SLC35E3: variants seen among roughly 807,000 people sequenced by gnomAD.
SLC35E3 encodes bladder cancer-overexpressed gene 1 protein.
SLC35E3 carries 28 observed loss-of-function variants against 30.8 expected under a neutral mutation model. That is an observed-to-expected ratio of 0.91 (90% confidence interval 0.67 to 1.25). The LOEUF is 1.25. SLC35E3 is among the 50% of genes most tolerant of loss of function. The pLI is 0.00. For synonymous variants in SLC35E3, 146 were observed against 149.2 expected (o/e 0.98, Z 0.16); for missense variants, 365 against 375.4 (o/e 0.97, Z 0.23).
rs1879390874 is a variant in SLC35E3 at position 68,765,786 on chromosome 12, C to T, written c.*896C>T. ...ATATATGGGATGGTTTGGTTGGTCC[C>T]AGCAAAGTATATGAAAATTAAAGTT... On this transcript the variant is annotated 3_prime_UTR_variant, in exon 5 of 5. Transcript: ENST00000398004. The T allele has an allele frequency of 1.3e-5, 2 of 149,884 alleles. No homozygotes were observed. Among genetic ancestry groups the T allele is most frequent in the Non-Finnish European group, 3.0e-5 (2 of 67,738 alleles). 9.3% of individuals were successfully genotyped at this position (149,884 alleles called of 1,614,324 possible).
At chr12:68,756,440 C>CT (rs61603177) in intron 3 of SLC35E3, among the ~76,000 whole-genome samples, 6 of 143,832 alleles carry the variant, frequency 4.2e-5, no homozygotes, top group Admixed American at 6.9e-5. Flanking sequence ...GTCAACTCAA[C>CT]TTTTTTTTTT....
rs534764696 is a variant in SLC35E3 at position 68,779,598 on chromosome 12, C to T, written c.*14708C>T. ...AAGGGGGAATTGAGGAAGCCATTTG[C>T]AAAACTTCACAGGAAAGTTAAATGA... is the stretch of plus-strand genomic sequence containing the variant. On this transcript the variant is annotated 3_prime_UTR_variant, in exon 5 of 5. Coordinates refer to ENST00000398004, the MANE Select transcript of SLC35E3 (RefSeq NM_018656.5). The T allele has an allele frequency of 2.0e-5, 3 of 152,078 alleles. No homozygotes were observed. The South Asian group carries it at 6.3e-4, about 32-fold the overall frequency. The allele number at this position is 152,078 out of a possible 1,614,324, so 9.4% of individuals were successfully genotyped here.
chr12:68,757,294 GTAACAAAGACCC>G (rs1879057342), intron 3 of SLC35E3, among the ~76,000 whole-genome samples: 2 of 152,260 alleles, frequency 1.3e-5, no homozygotes, highest in African/African-American at 2.4e-5. Flanking sequence ...TTCAAAGTCC[GTAACAAAGACCC>G]TAACAAAGTA....
rs1463520319 is a variant in SLC35E3 at position 68,771,455 on chromosome 12, A to G, written c.*6565A>G. On this transcript the variant is annotated 3_prime_UTR_variant, in exon 5 of 5. Transcript: ENST00000398004. Reference sequence around the variant, plus strand: ...TAAAGCAAGAACAGACTATAACTGAAGTTGAGGAACTCTGGTATACAATGA... The same window carrying G: ...TAAAGCAAGAACAGACTATAACTGAGGTTGAGGAACTCTGGTATACAATGA... The G allele has an allele frequency of 6.6e-6, 1 of 152,146 alleles. No homozygotes were observed. Among genetic ancestry groups the G allele is most frequent in the African/African-American group, 2.4e-5 (1 of 41,452 alleles). 9.4% of individuals were successfully genotyped at this position (152,146 alleles called of 1,614,324 possible).
chr12:68,779,341 A>G lies in SLC35E3; in HGVS notation c.*14451A>G, dbSNP rs1229125031. ...GTTTTCTGTACATTTATTTAAATTT[A>G]AAAAGTATTTAAGCCATCTTTAAGA... On this transcript the variant is annotated 3_prime_UTR_variant, in exon 5 of 5. Coordinates refer to ENST00000398004, the MANE Select transcript of SLC35E3 (RefSeq NM_018656.5). The G allele has an allele frequency of 1.3e-5, 2 of 152,208 alleles. No homozygotes were observed. The highest frequency in any genetic ancestry group is 2.9e-5 in the Non-Finnish European group (2 of 68,030). 9.4% of individuals were successfully genotyped at this position (152,208 alleles called of 1,614,324 possible). A position where few individuals can be genotyped will look rare whatever the true frequency, so the allele number is the denominator to read the frequency against.
rs780921749 is a variant in SLC35E3 at position 68,764,819 on chromosome 12, AT to A, written c.873del (p.Leu292SerfsTer41). On this transcript the variant is annotated frameshift_variant, in exon 5 of 5. Transcript: ENST00000398004. LOFTEE classifies it high-confidence loss of function. Reference sequence around the variant, plus strand: ...TGGCATTTTATGTACATTATTTGGCATTCTCGCCTATACCCACTTTAAGCTC... The same window carrying A: ...TGGCATTTTATGTACATTATTTGGCATCTCGCCTATACCCACTTTAAGCTC... ...ALGILCTLFG[I>X]LAYTHFKLSE... 1 of 1,614,178 alleles carries A rather than the reference AT, an allele frequency of 6.2e-7. No homozygotes were observed. The highest frequency in any genetic ancestry group is 1.1e-5 in the South Asian group (1 of 91,092).
At chr12:68,761,230 A>G (rs1318543727) in intron 4 of SLC35E3, among the ~76,000 whole-genome samples, 1 of 152,138 alleles carries the variant, frequency 6.6e-6, no homozygotes, top group African/African-American at 2.4e-5. Flanking sequence ...CAGAGAAGTA[A>G]CATGATTTTA....
chr12:68,755,262 G>T (rs1446306670), intron 3 of SLC35E3, among the ~76,000 whole-genome samples: 1 of 152,104 alleles, frequency 6.6e-6, no homozygotes, highest in Non-Finnish European at 1.5e-5. Context: ...ATTTTGGGGG[G>T]ACACAAACAT....
chr12:68,752,371 G>T (rs1418478663), intron 3 of SLC35E3, among the ~76,000 whole-genome samples, 181 bp downstream of exon 3: 23 of 152,282 alleles, frequency 1.5e-4, no homozygotes, highest in Non-Finnish European at 4.4e-5. Flanking sequence ...GTACACAAAG[G>T]TGAAGGGACT....
chr12:68,746,819 C>G (rs376932506), intron 1 of SLC35E3, 40 bp downstream of exon 1: 83 of 1,530,130 alleles, frequency 5.4e-5, no homozygotes, highest in Non-Finnish European at 6.6e-5. Flanking sequence ...CTCTCCCGAC[C>G]CACCTCCTGC....
intron 3 of SLC35E3, 56 bp from the exon 4 acceptor site, chr12:68,759,101 C>A: frequency 8.6e-7 from 1 of 1,164,578 alleles, no homozygotes; most frequent in Non-Finnish European, 1.3e-6. Context: ...TGTATCTTTG[C>A]TTGATGATTA....
At position 68,772,766 on chromosome 12, in the gene SLC35E3, G is replaced by A. The variant is rs899219029; in HGVS notation, c.*7876G>A. 5 of 151,864 alleles carry A rather than the reference G, an allele frequency of 3.3e-5. No homozygotes were observed. Among genetic ancestry groups the A allele is most frequent in the South Asian group, 2.1e-4 (1 of 4,818 alleles). The allele number at this position is 151,864 out of a possible 1,614,324, so 9.4% of individuals were successfully genotyped here. On this transcript the variant is annotated 3_prime_UTR_variant, in exon 5 of 5. Transcript: ENST00000398004. ...TAGACTTTTCCTTTTGAAATCCAACGATCTGTATCAACCACGTCTTCATTT... is the reference window on the plus strand; with the variant it reads ...TAGACTTTTCCTTTTGAAATCCAACAATCTGTATCAACCACGTCTTCATTT...
chr12:68,765,766 T>C lies in SLC35E3; in HGVS notation c.*876T>C, dbSNP rs1742570482. The C allele has an allele frequency of 6.6e-6, 1 of 151,402 alleles. No individual in the cohort carries two copies. The highest frequency in any genetic ancestry group is 1.5e-5 in the Non-Finnish European group (1 of 67,920). 9.4% of individuals were successfully genotyped at this position (151,402 alleles called of 1,614,324 possible). ...ATATATATGGATATGGTTATATATA[T>C]GGGATGGTTTGGTTGGTCCCAGCAA... On this transcript the variant is annotated 3_prime_UTR_variant, in exon 5 of 5. Transcript: ENST00000398004.
rs1879577598 is a variant in SLC35E3 at position 68,770,617 on chromosome 12, T to G, written c.*5727T>G. ...GGGAGGCTGAGGTGGGTGGATTGCT[T>G]GAGTCCAGGAGTTCGAGACCAGCCT... is the stretch of plus-strand genomic sequence containing the variant. On this transcript the variant is annotated 3_prime_UTR_variant, in exon 5 of 5. Coordinates refer to ENST00000398004, the MANE Select transcript of SLC35E3 (RefSeq NM_018656.5). The G allele has an allele frequency of 6.6e-6, 1 of 152,442 alleles. No individual in the cohort carries two copies. The highest frequency in any genetic ancestry group is 2.4e-5 in the African/African-American group (1 of 41,340). The allele number at this position is 152,442 out of a possible 1,614,324, so 9.4% of individuals were successfully genotyped here.
rs1879625778 is a variant in SLC35E3, at chr12:68,772,407, ACTTATAT to A, written c.*7518_*7524del. 1 of 152,074 alleles carries A rather than the reference ACTTATAT, an allele frequency of 6.6e-6. No individual in the cohort carries two copies. The highest frequency in any genetic ancestry group is 1.5e-5 in the Non-Finnish European group (1 of 68,002). The allele number at this position is 152,074 out of a possible 1,614,324, so 9.4% of individuals were successfully genotyped here. A position where few individuals can be genotyped will look rare whatever the true frequency, so the allele number is the denominator to read the frequency against. On this transcript the variant is annotated 3_prime_UTR_variant, in exon 5 of 5. Transcript: ENST00000398004. ...TTTACTCATAGATACCATTTTTATAACTTATATGAGACGCATTTAATGTAATCATATT... is the reference window on the plus strand; with the variant it reads ...TTTACTCATAGATACCATTTTTATAAGAGACGCATTTAATGTAATCATATT...
At position 68,769,664 on chromosome 12, in the gene SLC35E3, AT is replaced by A. The variant is rs1472250120; in HGVS notation, c.*4775del. The A allele has an allele frequency of 1.3e-5, 2 of 152,194 alleles. No individual in the cohort carries two copies. Among genetic ancestry groups the A allele is most frequent in the Admixed American group, 1.3e-4 (2 of 15,268 alleles). The allele number at this position is 152,194 out of a possible 1,614,324, so 9.4% of individuals were successfully genotyped here. A position where few individuals can be genotyped will look rare whatever the true frequency, so the allele number is the denominator to read the frequency against. ...ACAAGAGCAAAACTGTCTCAAATAA[AT>A]AAATAATAAAAGAAAGGAGACCGGA... On this transcript the variant is annotated 3_prime_UTR_variant, in exon 5 of 5. Coordinates refer to ENST00000398004, the MANE Select transcript of SLC35E3 (RefSeq NM_018656.5).
intron 1 of SLC35E3, among the ~76,000 whole-genome samples, chr12:68,747,515 G>T (rs1041747670): frequency 2.6e-5 from 4 of 152,112 alleles, no homozygotes; most frequent in Admixed American, 2.6e-4. Flanking sequence ...TGATCTGCCC[G>T]CCTTGGCCTC....
Position 68,752,102 on chromosome 12 carries a change from C to CG in SLC35E3, c.584_585insG (p.Ser196IlefsTer12), listed in dbSNP as rs779372721. 8.1e-6 allele frequency: 13 copies of CG among 1,613,850 alleles called. No homozygotes were observed. The Admixed American group carries it at 8.3e-5, about 10-fold the overall frequency. On this transcript the variant is annotated frameshift_variant, in exon 3 of 5. Coordinates refer to ENST00000398004, the MANE Select transcript of SLC35E3 (RefSeq NM_018656.5). LOFTEE classifies it high-confidence loss of function. ...CTGCTGTACTACCAGGCTCCGATGT[C>CG]ATCTGCCATGTTGCTGGTTGCTGTG...
chr12:68,752,564 C>T (rs993930527), intron 3 of SLC35E3, among the ~76,000 whole-genome samples: 7 of 152,120 alleles, frequency 4.6e-5, no homozygotes, highest in Admixed American at 1.3e-4. Context: ...TTTGAACATA[C>T]GTAAAAATAT....
Sources: allele counts gnomAD v4.1 joint callset (sites outside exome capture counted in the v4.1 genomes callset), GRCh38; gene constraint gnomAD v4.1.1; transcripts MANE v1.5; gene names NCBI Gene and HGNC (gene_info 2026-07-23, HGNC 2026-07-21).